Variants in ARHGAP22 observed in about 807,000 individuals in gnomAD.
ARHGAP22 encodes Rho GTPase activating protein 22.
ARHGAP22 carries 48 observed loss-of-function variants against 59.1 expected under a neutral mutation model. The ratio of observed to expected loss-of-function variants is 0.81; its 90% CI spans 0.64 to 1.03. The LOEUF (loss-of-function observed/expected upper bound fraction) is 1.03. ARHGAP22 is among the 50% of genes least tolerant of loss of function. The pLI is 0.00. For synonymous variants in ARHGAP22, 445 were observed against 416.4 expected, an observed-to-expected ratio of 1.07 and a Z score of -0.84; for missense variants, 1,015 against 958.7, an observed-to-expected ratio of 1.06 and a Z score of -0.78.
At chr10:48,588,269 C>T (rs1056877405) in intron 1 of ARHGAP22, among the ~76,000 whole-genome samples, 1 of 152,298 alleles carries the variant, frequency 6.6e-6, no homozygotes, top group Admixed American at 6.5e-5. Flanking sequence ...CTGCCCCACC[C>T]TGCAGGATAG....
intron 3 of ARHGAP22, among the ~76,000 whole-genome samples, chr10:48,486,672 C>T (rs924655681): frequency 6.6e-6 from 1 of 152,122 alleles, no homozygotes; most frequent in Non-Finnish European, 1.5e-5. Flanking sequence ...TATATTTACC[C>T]ATGTAGTTAC....
chr10:48,639,265 A>T (rs971810194), intron 1 of ARHGAP22, among the ~76,000 whole-genome samples: 2 of 152,214 alleles, frequency 1.3e-5, no homozygotes, highest in African/African-American at 4.8e-5. Context: ...CCAATGCTCA[A>T]TTAGTCTGAG....
chr10:48,475,368 C>T (rs1023954704), intron 4 of ARHGAP22, among the ~76,000 whole-genome samples: 2 of 152,164 alleles, frequency 1.3e-5, no homozygotes, highest in African/African-American at 2.4e-5. Context: ...GTGCTGATGG[C>T]CCCCTAAATA....
chr10:48,570,127 T>C (rs550134898), intron 2 of ARHGAP22, among the ~76,000 whole-genome samples: 1 of 152,264 alleles, frequency 6.6e-6, no homozygotes, highest in South Asian at 2.1e-4. Context: ...TTCAAGTTAG[T>C]AAATAAATTT....
At chr10:48,574,469 T>C (rs1372440784) in intron 2 of ARHGAP22, among the ~76,000 whole-genome samples, 1 of 152,236 alleles carries the variant, frequency 6.6e-6, no homozygotes, top group African/African-American at 2.4e-5. Context: ...GACATCCTCT[T>C]GGCTGGTTTG....
At chr10:48,563,419 T>C (rs1294699612) in intron 2 of ARHGAP22, among the ~76,000 whole-genome samples, 1 of 152,158 alleles carries the variant, frequency 6.6e-6, no homozygotes, top group African/African-American at 2.4e-5. Flanking sequence ...GGTCTCGATC[T>C]GACCTCGTGA....
intron 1 of ARHGAP22, among the ~76,000 whole-genome samples, chr10:48,583,574 G>A (rs1299927438): frequency 6.6e-6 from 1 of 152,182 alleles, no homozygotes; most frequent in African/African-American, 2.4e-5. Flanking sequence ...CTTACTATGT[G>A]CATAGAACCG....
intron 3 of ARHGAP22, among the ~76,000 whole-genome samples, chr10:48,489,674 T>C (rs1385661689): frequency 1.3e-5 from 2 of 151,882 alleles, no homozygotes; most frequent in Non-Finnish European, 2.9e-5. Context: ...ATTGTCTGTG[T>C]GGCCACTGTG....
chr10:48,635,918 T>C (rs2061797976), intron 1 of ARHGAP22, among the ~76,000 whole-genome samples: 1 of 152,220 alleles, frequency 6.6e-6, no homozygotes, highest in Non-Finnish European at 1.5e-5. Context: ...AACATTAATA[T>C]CTTGCAAGCT....
chr10:48,593,528 A>T (rs2059890496), intron 1 of ARHGAP22, among the ~76,000 whole-genome samples: 1 of 152,246 alleles, frequency 6.6e-6, no homozygotes, highest in Non-Finnish European at 1.5e-5. Flanking sequence ...TAAGTAAAGT[A>T]AGGGTTACTG....
rs747682085 is a variant in ARHGAP22, at chr10:48,450,775, G to C, written c.1354C>G (p.Pro452Ala). 6.4e-7 allele frequency: 1 copy of C among 1,565,556 alleles called. No individual in the cohort carries two copies. Among genetic ancestry groups the C allele is most frequent in the Non-Finnish European group, 8.7e-7 (1 of 1,155,708 alleles). Reference sequence around the variant, plus strand: ...CAGTTCCCGCCGGAGGAGATGATGGGCACCTCCAGGGATGAGCCGCCCCCC... The same window carrying C: ...CAGTTCCCGCCGGAGGAGATGATGGCCACCTCCAGGGATGAGCCGCCCCCC... ...PKGGGSSLEV[P>A]IISSGGNWLM... Residue 452 changes from proline (P) to alanine (A), a missense_variant, in exon 9 of 10, where the codon CCC becomes GCC. Transcript: ENST00000249601.
intron 3 of ARHGAP22, among the ~76,000 whole-genome samples, chr10:48,508,384 G>A (rs1181249145): frequency 1.3e-5 from 2 of 152,256 alleles, no homozygotes; most frequent in Non-Finnish European, 2.9e-5. Context: ...CTCCACTTCA[G>A]TGCGGCTGGC....
chr10:48,639,785 G>C (rs1348169402), intron 1 of ARHGAP22, among the ~76,000 whole-genome samples: 1 of 152,004 alleles, frequency 6.6e-6, no homozygotes. Context: ...TATCTAAAAT[G>C]CCCACTTTCT....
chr10:48,471,323 C>CT (rs1205754685), intron 4 of ARHGAP22, among the ~76,000 whole-genome samples: 1 of 152,260 alleles, frequency 6.6e-6, no homozygotes, highest in Non-Finnish European at 1.5e-5. Context: ...CTTTTCCCAG[C>CT]TGGGCTCCTA....
At chr10:48,439,032 C>T in the ARHGAP22 span, 1 of 152,130 alleles carries the variant, frequency 6.6e-6, no homozygotes, top group Non-Finnish European at 1.5e-5. Flanking sequence ...TGGACTGTGA[C>T]ATCTATTTTC....
intron 1 of ARHGAP22, among the ~76,000 whole-genome samples, chr10:48,619,953 C>T (rs1334911026): frequency 2.0e-5 from 3 of 152,128 alleles, no homozygotes; most frequent in African/African-American, 7.2e-5. Flanking sequence ...ATGTATCTGA[C>T]AAGGGATTAA....
chr10:48,450,092 G>A (rs2045752890), intron 9 of ARHGAP22, among the ~76,000 whole-genome samples, 169 bp downstream of exon 9: 2 of 152,236 alleles, frequency 1.3e-5, no homozygotes, highest in African/African-American at 4.8e-5. Context: ...CTGACTGTGT[G>A]CCAAGTCTGC....
chr10:48,537,663 C>T (rs1299914806), intron 3 of ARHGAP22, among the ~76,000 whole-genome samples: 1 of 152,208 alleles, frequency 6.6e-6, no homozygotes, highest in African/African-American at 2.4e-5. Context: ...TTCAAGGTGG[C>T]GCACACAGGG....
At chr10:48,610,446 A>C (rs904828189) in intron 1 of ARHGAP22, among the ~76,000 whole-genome samples, 1 of 152,088 alleles carries the variant, frequency 6.6e-6, no homozygotes, top group Admixed American at 6.5e-5. Context: ...GGGAAAGGTG[A>C]CTTAGGGGCA....
Sources: allele counts gnomAD v4.1 joint callset (sites outside exome capture counted in the v4.1 genomes callset), GRCh38; gene constraint gnomAD v4.1.1; transcripts MANE v1.5; gene names NCBI Gene and HGNC (gene_info 2026-07-23, HGNC 2026-07-21).